SPIRE1: variants seen among roughly 807,000 people sequenced by gnomAD.
SPIRE1 encodes protein spire homolog 1.
A neutral mutation model predicts 94.1 loss-of-function variants in SPIRE1; 40 were observed. The ratio of observed to expected loss-of-function variants is 0.43; its 90% CI spans 0.33 to 0.55. The LOEUF is 0.55. SPIRE1 is among the 20% of genes least tolerant of loss of function. The pLI, the probability that SPIRE1 is intolerant of heterozygous loss-of-function variation, is 0.06. For missense variants in SPIRE1, 838 were observed against 975.2 expected, an observed-to-expected ratio of 0.86 and a Z score of 1.87; for synonymous variants, 376 against 371.7, an observed-to-expected ratio of 1.01 and a Z score of -0.13.
At chr18:12,540,144 C>T (rs939169121) in intron 3 of SPIRE1, among the ~76,000 whole-genome samples, 1 of 151,844 alleles carries the variant, frequency 6.6e-6, no homozygotes, top group African/African-American at 2.4e-5. Flanking sequence ...GAACTTAAAA[C>T]CCAAACTCTT....
chr18:12,662,072 G>T, upstream of SPIRE1: 1 of 388,564 alleles, frequency 2.6e-6, no homozygotes. Context: ...TGGAGGTACT[G>T]GCTGTGCTGC....
chr18:12,567,124 T>G (rs1349741759), intron 2 of SPIRE1, among the ~76,000 whole-genome samples: 1 of 152,092 alleles, frequency 6.6e-6, no homozygotes, highest in Non-Finnish European at 1.5e-5. Flanking sequence ...TATAGCAAGG[T>G]TGCAGGATAC....
intron 2 of SPIRE1, among the ~76,000 whole-genome samples, chr18:12,616,742 A>T (rs2037318647): frequency 6.6e-6 from 1 of 152,268 alleles, no homozygotes; most frequent in Non-Finnish European, 1.5e-5. Flanking sequence ...GCAAGAGAGC[A>T]GTTTAATCAA....
At position 12,461,474 on chromosome 18, in the gene SPIRE1, GTACA is replaced by G. The variant is rs1267833165; in HGVS notation, c.1638+1873_1638+1876del. On this transcript the variant is annotated intron_variant, in intron 12 of 16. Transcript: ENST00000409402. The stretch of plus-strand genomic sequence containing the variant: ...TGTGTGTATGTATGTACATATGTAC[GTACA>G]TACATATGTGTGTATGCACGTACAT... Among the ~76,000 whole-genome samples, 622 of 147,370 alleles carry G rather than the reference GTACA, an allele frequency of 4.2e-3. 6 individuals carry two copies. Among genetic ancestry groups the G allele is most frequent in the African/African-American group, 0.015 (599 of 39,600 alleles).
intron 1 of SPIRE1, among the ~76,000 whole-genome samples, chr18:12,649,122 A>T (rs1162146086): frequency 1.3e-5 from 2 of 152,022 alleles, no homozygotes; most frequent in African/African-American, 2.4e-5. Flanking sequence ...TCCCAAAATA[A>T]AAAGTTTGGT....
chr18:12,619,486 C>T (rs940853907), intron 2 of SPIRE1, among the ~76,000 whole-genome samples: 4 of 151,614 alleles, frequency 2.6e-5, no homozygotes, highest in East Asian at 3.9e-4. Flanking sequence ...CCAGCCTGGG[C>T]GATACAGCGA....
chr18:12,485,106 CTT>C (rs71371264), intron 9 of SPIRE1, among the ~76,000 whole-genome samples: 16 of 133,880 alleles, frequency 1.2e-4, no homozygotes, highest in African/African-American at 2.7e-4. Context: ...TTTTTATACT[CTT>C]TTTTTTTTTT....
chr18:12,547,390 A>G (rs17525318), intron 2 of SPIRE1, among the ~76,000 whole-genome samples: 9,631 of 152,110 alleles, frequency 0.063, 436 homozygotes, highest in Non-Finnish European at 0.093. Flanking sequence ...CAAACCCTGA[A>G]TTTTCAAGGC....
At chr18:12,562,313 C>CTG (rs2035708415) in intron 2 of SPIRE1, among the ~76,000 whole-genome samples, 4 of 152,014 alleles carry the variant, frequency 2.6e-5, no homozygotes, top group Admixed American at 2.6e-4. Flanking sequence ...GAGACATGAT[C>CTG]TCACTCTGTC....
At chr18:12,451,762 C>G (rs1237514468) in intron 16 of SPIRE1, among the ~76,000 whole-genome samples, 1 of 152,214 alleles carries the variant, frequency 6.6e-6, no homozygotes, top group Admixed American at 6.5e-5. Flanking sequence ...GCACTAAATG[C>G]AAAGGGACTG....
At chr18:12,646,599 C>T (rs1043934946) in intron 1 of SPIRE1, among the ~76,000 whole-genome samples, 1 of 152,122 alleles carries the variant, frequency 6.6e-6, no homozygotes, top group African/African-American at 2.4e-5. Context: ...CATTCTAGCA[C>T]TACCCTCCAA....
At chr18:12,622,737 T>G (rs183686236) in intron 2 of SPIRE1, among the ~76,000 whole-genome samples, 1 of 152,326 alleles carries the variant, frequency 6.6e-6, no homozygotes, top group East Asian at 1.9e-4. Flanking sequence ...CTGTGTCCAA[T>G]CTTTAACATG....
chr18:12,570,044 C>T (rs1467389535), intron 2 of SPIRE1, among the ~76,000 whole-genome samples: 2 of 152,190 alleles, frequency 1.3e-5, no homozygotes, highest in African/African-American at 4.8e-5. Context: ...AATAGCAGCA[C>T]ACACACTAAC....
intron 2 of SPIRE1, among the ~76,000 whole-genome samples, chr18:12,595,868 A>C (rs1208692544): frequency 6.6e-6 from 1 of 152,262 alleles, no homozygotes; most frequent in Non-Finnish European, 1.5e-5. Flanking sequence ...ACAGATATCT[A>C]GGTGTATTTA....
At chr18:12,565,966 G>A (rs1475291406) in intron 2 of SPIRE1, among the ~76,000 whole-genome samples, 2 of 151,168 alleles carry the variant, frequency 1.3e-5, no homozygotes, top group African/African-American at 4.9e-5. Flanking sequence ...CTGGGAGGTG[G>A]AGGTTGCAGT....
intron 7 of SPIRE1, among the ~76,000 whole-genome samples, chr18:12,495,677 C>T (rs148535059): frequency 1.1e-4 from 16 of 152,168 alleles, no homozygotes; most frequent in African/African-American, 3.6e-4. Context: ...CTGCTTGAGG[C>T]CAGGAGTTTG....
chr18:12,558,032 G>T (rs2035569216), intron 2 of SPIRE1, among the ~76,000 whole-genome samples: 1 of 152,138 alleles, frequency 6.6e-6, no homozygotes, highest in Non-Finnish European at 1.5e-5. Flanking sequence ...AATCATACTG[G>T]ATTAAAGACT....
chr18:12,531,068 T>G (rs2034667728), intron 4 of SPIRE1, among the ~76,000 whole-genome samples: 2 of 152,298 alleles, frequency 1.3e-5, no homozygotes, highest in South Asian at 4.1e-4. Context: ...CCCTCTTTAT[T>G]TATTTGTTTA....
At chr18:12,450,354 T>C (rs1468148889) in intron 16 of SPIRE1, 7 of 313,530 alleles carry the variant, frequency 2.2e-5, no homozygotes, top group Non-Finnish European at 4.1e-5. Context: ...AGCGAAACTC[T>C]GTCTCAAAAA....
Sources: gnomAD v4.1 joint callset for allele counts (sites outside exome capture counted in the v4.1 genomes callset) on GRCh38, gnomAD v4.1.1 for gene constraint, MANE v1.5 for transcripts, NCBI Gene and HGNC (gene_info 2026-07-23, HGNC 2026-07-21) for gene names.